Variants in SNX16 observed in about 807,000 individuals in gnomAD.
SNX16 encodes the protein sorting nexin 16, also known as sorting nexin-16.
SNX16 carries 35 observed loss-of-function variants against 36.7 expected under a neutral mutation model. The ratio of observed to expected loss-of-function variants is 0.95; its 90% CI spans 0.73 to 1.27. The LOEUF (loss-of-function observed/expected upper bound fraction) is 1.27. Ranked by LOEUF, SNX16 falls within the 50% of genes most tolerant of loss-of-function variation. The pLI is 0.00. For missense variants in SNX16, 367 were observed against 393.6 expected (o/e 0.93, Z 0.57); for synonymous variants, 134 against 132.0 (o/e 1.02, Z -0.10).
chr8:81,821,295 A>G (rs1810729737), intron 4 of SNX16, among the ~76,000 whole-genome samples: 1 of 151,944 alleles, frequency 6.6e-6, no homozygotes. Context: ...CAGGATCTCA[A>G]ATGGCCCTAG....
chr8:81,825,126 T>C (rs867959573), intron 3 of SNX16, among the ~76,000 whole-genome samples: 5 of 152,148 alleles, frequency 3.3e-5, no homozygotes, highest in Admixed American at 6.5e-5. Context: ...ACAGCATTAT[T>C]TCCACTGACC....
rs372286719 is a variant in SNX16, at chr8:81,823,782, C to T, written c.611+10G>A. 4.1e-5 allele frequency: 64 copies of T among 1,574,128 alleles called. No homozygotes were observed. Among genetic ancestry groups the T allele is most frequent in the African/African-American group, 1.5e-4 (11 of 72,634 alleles). ...GCTTTTATAATCTCTTATTTCAATTCGTTACATACCAGTTAGCAATGTCCT... is the reference window on the plus strand; with the variant it reads ...GCTTTTATAATCTCTTATTTCAATTTGTTACATACCAGTTAGCAATGTCCT... On this transcript the variant is annotated intron_variant, in intron 4 of 7. Coordinates refer to ENST00000345957, the MANE Select transcript of SNX16 (RefSeq NM_152836.3).
At chr8:81,811,235 C>T (rs1030594920) in intron 5 of SNX16, among the ~76,000 whole-genome samples, 5 of 152,102 alleles carry the variant, frequency 3.3e-5, no homozygotes, top group African/African-American at 1.2e-4. Context: ...AACCCAGAAG[C>T]AATGATCTAG....
At chr8:81,822,926 GTATATATATATATACATATACA>G (rs1354881567) in intron 4 of SNX16, among the ~76,000 whole-genome samples, 2 of 130,194 alleles carry the variant, frequency 1.5e-5, no homozygotes, top group Non-Finnish European at 1.6e-5. Context: ...AGCAAGATGT[GTATATATATATATACATATACA>G]TATATATATA....
intron 4 of SNX16, among the ~76,000 whole-genome samples, chr8:81,820,959 T>C (rs1320484530): frequency 1.3e-5 from 2 of 151,410 alleles, no homozygotes; most frequent in Admixed American, 6.6e-5. Context: ...GTCTCTTACA[T>C]TGTGAAACAA....
intron 5 of SNX16, among the ~76,000 whole-genome samples, chr8:81,809,014 G>A (rs897188228): frequency 6.6e-6 from 1 of 151,388 alleles, no homozygotes; most frequent in African/African-American, 2.4e-5. Context: ...CACCCAGGCT[G>A]TTGATTGCTA....
chr8:81,801,358 T>A lies in SNX16; in HGVS notation c.*139A>T. 2.3e-6 allele frequency: 1 copy of A among 444,058 alleles called. No homozygotes were observed. The allele number at this position is 444,058 out of a possible 1,614,324, so 27.5% of individuals were successfully genotyped here. On this transcript the variant is annotated 3_prime_UTR_variant, in exon 8 of 8. Transcript: ENST00000345957. ...TCCTATCTCAATAACTTAAAAAAAC[T>A]TCTTTATGTAAACTTTATACATGTG...
chr8:81,809,536 C>G (rs919060802), intron 5 of SNX16, among the ~76,000 whole-genome samples: 3 of 151,054 alleles, frequency 2.0e-5, no homozygotes, highest in Non-Finnish European at 4.4e-5. Context: ...TAGGGAAGAA[C>G]AAGAGCCATA....
At position 81,802,451 on chromosome 8, in the gene SNX16, TTC is replaced by T. The variant is rs1250564296; in HGVS notation, c.865_866del (p.Glu289ArgfsTer2). 1 of 1,610,216 alleles carries T rather than the reference TTC, an allele frequency of 6.2e-7. No homozygotes were observed. The highest frequency in any genetic ancestry group is 2.2e-5 in the East Asian group (1 of 44,664). On this transcript the variant is annotated frameshift_variant, in exon 7 of 8. Coordinates refer to ENST00000345957, the MANE Select transcript of SNX16 (RefSeq NM_152836.3). LOFTEE classifies it high-confidence loss of function. ...PEESLDVSET[E>X]GEQILKVESS... Reference sequence around the variant, plus strand: ...ACTCCACCTTTAGGATCTGTTCACCTTCTGTTTCTGACACATCCAGTGATTCT... The same window carrying T: ...ACTCCACCTTTAGGATCTGTTCACCTTGTTTCTGACACATCCAGTGATTCT...
chr8:81,824,781 T>C (rs948441803), intron 3 of SNX16, among the ~76,000 whole-genome samples: 4 of 152,158 alleles, frequency 2.6e-5, no homozygotes, highest in African/African-American at 9.7e-5. Context: ...AACCATTTCT[T>C]AATATTAAGC....
At chr8:81,830,270 T>C (rs1388390251) in intron 2 of SNX16, among the ~76,000 whole-genome samples, 1 of 152,014 alleles carries the variant, frequency 6.6e-6, no homozygotes, top group Admixed American at 6.6e-5. Flanking sequence ...TACAAAACAC[T>C]GCTGAAAGAA....
intron 4 of SNX16, among the ~76,000 whole-genome samples, chr8:81,822,968 A>G (rs9692787): frequency 1.8e-5 from 2 of 109,928 alleles, no homozygotes; most frequent in South Asian, 2.8e-4. Context: ...ATATATATAT[A>G]TATATATACA....
chr8:81,830,244 T>C (rs1040226910), intron 2 of SNX16, among the ~76,000 whole-genome samples: 4 of 151,872 alleles, frequency 2.6e-5, no homozygotes, highest in Non-Finnish European at 5.9e-5. Flanking sequence ...AGAGGAAAGA[T>C]CTCTACAGGG....
rs900797331 is a variant in SNX16, at chr8:81,801,016, T to C, written c.*481A>G. ...ATGTAAACATGTAAACATTAAAAAC[T>C]CAACTAAATTTTATCTTTATTATGA... On this transcript the variant is annotated 3_prime_UTR_variant, in exon 8 of 8. Coordinates refer to ENST00000345957, the MANE Select transcript of SNX16 (RefSeq NM_152836.3). 2 of 152,104 alleles carry C rather than the reference T, an allele frequency of 1.3e-5. No individual in the cohort carries two copies. Among genetic ancestry groups the C allele is most frequent in the Non-Finnish European group, 3.0e-5 (2 of 67,648 alleles). 9.4% of individuals were successfully genotyped at this position (152,104 alleles called of 1,614,324 possible).
In SNX16 at chr8:81,829,420, T is replaced by C. The variant is rs780420606; in HGVS notation, c.462+10A>G. The stretch of plus-strand genomic sequence containing the variant: ...CTGAAATGTTAGTTTGGATTTATTA[T>C]AGTACTTACTTTGTCATTAAGCCTA... On this transcript the variant is annotated intron_variant, in intron 3 of 7. Transcript: ENST00000345957. 6.5e-6 allele frequency: 8 copies of C among 1,223,962 alleles called. No homozygotes were observed. Among genetic ancestry groups the C allele is most frequent in the Middle Eastern group, 2.0e-4 (1 of 4,958 alleles). The allele number at this position is 1,223,962 out of a possible 1,614,324, so 75.8% of individuals were successfully genotyped here. A position where few individuals can be genotyped will look rare whatever the true frequency, so the allele number is the denominator to read the frequency against.
At chr8:81,820,849 T>C (rs1320412317) in intron 4 of SNX16, among the ~76,000 whole-genome samples, 1 of 151,874 alleles carries the variant, frequency 6.6e-6, no homozygotes, top group Non-Finnish European at 1.5e-5. Context: ...TCCCCTCTTT[T>C]ATACCCTTTA....
In SNX16 at chr8:81,800,914, A is replaced by G. The variant is rs1809658306; in HGVS notation, c.*583T>C. 6.6e-6 allele frequency: 1 copy of G among 152,216 alleles called. No individual in the cohort carries two copies. Among genetic ancestry groups the G allele is most frequent in the Non-Finnish European group, 1.5e-5 (1 of 67,658 alleles). 9.4% of individuals were successfully genotyped at this position (152,216 alleles called of 1,614,324 possible). A position where few individuals can be genotyped will look rare whatever the true frequency, so the allele number is the denominator to read the frequency against. ...TAGCTATATGATTACAGCTCTTTCA[A>G]GTAGTTTTCCTTTGGTACTAGAAAG... On this transcript the variant is annotated 3_prime_UTR_variant, in exon 8 of 8. Transcript: ENST00000345957.
At chr8:81,805,013 AATT>A (rs1467454410) in intron 5 of SNX16, among the ~76,000 whole-genome samples, 1 of 140,550 alleles carries the variant, frequency 7.1e-6, no homozygotes. Context: ...TAACAATACA[AATT>A]AGTAAGTTTG....
chr8:81,834,132 A>C (rs55931610), intron 2 of SNX16, among the ~76,000 whole-genome samples: 13,259 of 152,228 alleles, frequency 0.087, 667 homozygotes, highest in East Asian at 0.18. Flanking sequence ...GGGAGGCCTT[A>C]TAATCATGGT....
Sources: allele counts gnomAD v4.1 joint callset (sites outside exome capture counted in the v4.1 genomes callset), GRCh38; gene constraint gnomAD v4.1.1; transcripts MANE v1.5; gene names NCBI Gene and HGNC (gene_info 2026-07-23, HGNC 2026-07-21).